The following CCDC178 variants were observed in gnomAD, a reference collection of about 807,000 sequenced individuals.
CCDC178 encodes coiled-coil domain-containing protein 178.
In CCDC178, 126 loss-of-function variants were observed where a neutral mutation model predicts 117.4. The observed-to-expected ratio is 1.07, with a 90% CI of 0.93 to 1.24. The LOEUF (loss-of-function observed/expected upper bound fraction) is 1.24, where lower values mean the gene tolerates loss of function less well. Among genes scored for constraint, CCDC178 ranks in the 50% most tolerant of loss-of-function variants. The pLI is 0.00. For missense variants in CCDC178, 1,030 were observed against 986.9 expected (o/e 1.04, Z -0.59); for synonymous variants, 283 against 313.4 (o/e 0.90, Z 1.02).
At chr18:32,993,343 T>C (rs2055433243) in intron 21 of CCDC178, among the ~76,000 whole-genome samples, 1 of 152,090 alleles carries the variant, frequency 6.6e-6, no homozygotes, top group Admixed American at 6.5e-5. Context: ...TTTATTACCA[T>C]CATGACAACA....
At chr18:33,371,989 T>C (rs897262029) in intron 5 of CCDC178, among the ~76,000 whole-genome samples, 2 of 152,060 alleles carry the variant, frequency 1.3e-5, no homozygotes, top group Non-Finnish European at 2.9e-5. Flanking sequence ...TTGTTTTGCT[T>C]CATTAAATTT....
chr18:33,376,521 G>C (rs2063368560), intron 5 of CCDC178, among the ~76,000 whole-genome samples: 2 of 152,108 alleles, frequency 1.3e-5, no homozygotes, highest in Admixed American at 1.3e-4. Flanking sequence ...GTAATGCTGA[G>C]GTTTGGGGTA....
intron 2 of CCDC178, among the ~76,000 whole-genome samples, chr18:33,424,845 G>A (rs144480621): frequency 2.6e-5 from 4 of 152,276 alleles, no homozygotes; most frequent in Non-Finnish European, 2.9e-5. Flanking sequence ...GAATTAAACC[G>A]CACTTCACCT....
intron 21 of CCDC178, among the ~76,000 whole-genome samples, chr18:33,026,649 T>C (rs2056235686): frequency 6.6e-6 from 1 of 151,902 alleles, no homozygotes; most frequent in African/African-American, 2.4e-5. Context: ...TTTAAAGCAG[T>C]AGCTATGGAT....
intron 20 of CCDC178, among the ~76,000 whole-genome samples, chr18:33,190,044 C>T (rs1003086874): frequency 2.4e-4 from 37 of 152,082 alleles, no homozygotes; most frequent in African/African-American, 8.7e-4. Context: ...AGACTACCAA[C>T]CAGTGCTTGG....
At chr18:33,031,455 C>A (rs2056341473) in intron 21 of CCDC178, among the ~76,000 whole-genome samples, 1 of 152,000 alleles carries the variant, frequency 6.6e-6, no homozygotes, top group Non-Finnish European at 1.5e-5. Flanking sequence ...TTACTGCATA[C>A]ATTTTAACCT....
At chr18:33,426,813 C>G (rs970776045) in intron 2 of CCDC178, among the ~76,000 whole-genome samples, 3 of 151,832 alleles carry the variant, frequency 2.0e-5, no homozygotes, top group African/African-American at 7.2e-5. Flanking sequence ...ATAATCAAAG[C>G]CCAACAGAGT....
intron 8 of CCDC178, 52 bp downstream of exon 8, chr18:33,348,838 T>A (rs1431224796): frequency 2.8e-6 from 3 of 1,085,230 alleles, no homozygotes; most frequent in Non-Finnish European, 4.2e-6. Context: ...TTAAATGAAG[T>A]CAATGAACTT....
At chr18:33,323,701 AG>A in intron 10 of CCDC178, 68 bp from the exon 11 acceptor site, 1 of 942,358 alleles carries the variant, frequency 1.1e-6, no homozygotes, top group Non-Finnish European at 1.4e-6. Flanking sequence ...ACTTCAACTT[AG>A]TGTAGTATTG....
At chr18:33,048,674 T>C (rs1401687744) in intron 21 of CCDC178, among the ~76,000 whole-genome samples, 1 of 152,172 alleles carries the variant, frequency 6.6e-6, no homozygotes, top group African/African-American at 2.4e-5. Context: ...ACTGTGAGAA[T>C]CGTTGCTTTT....
At chr18:33,302,786 ATGTATGGAAGCTAAAAAACAGT>A (rs963279737) in intron 11 of CCDC178, among the ~76,000 whole-genome samples, 4 of 152,220 alleles carry the variant, frequency 2.6e-5, no homozygotes, top group African/African-American at 9.6e-5. Flanking sequence ...GTTCTCACTC[ATGTATGGAAGCTAAAAAACAGT>A]TGATCTCAAA....
chr18:33,253,118 T>C (rs1735256095), intron 14 of CCDC178, among the ~76,000 whole-genome samples: 1 of 151,838 alleles, frequency 6.6e-6, no homozygotes, highest in South Asian at 2.1e-4. Flanking sequence ...CTCATTGGTT[T>C]GAAAGACAAA....
chr18:33,279,055 T>C, intron 12 of CCDC178, among the ~76,000 whole-genome samples: 1 of 152,092 alleles, frequency 6.6e-6, no homozygotes. Context: ...AAGACAGGGA[T>C]GCCCTCACTC....
chr18:33,171,656 C>A (rs998164665), intron 20 of CCDC178, among the ~76,000 whole-genome samples: 5 of 152,176 alleles, frequency 3.3e-5, no homozygotes, highest in African/African-American at 1.2e-4. Context: ...CCAAACACCT[C>A]AGCACCTAGC....
intron 11 of CCDC178, among the ~76,000 whole-genome samples, chr18:33,319,198 C>T (rs901332977): frequency 6.6e-6 from 1 of 151,738 alleles, no homozygotes; most frequent in Non-Finnish European, 1.5e-5. Context: ...CCGCTCCCTC[C>T]ACCTCATGAC....
At chr18:33,065,481 G>A (rs2056996378) in intron 21 of CCDC178, among the ~76,000 whole-genome samples, 1 of 152,130 alleles carries the variant, frequency 6.6e-6, no homozygotes, top group South Asian at 2.1e-4. Flanking sequence ...TCCAGAAGGA[G>A]ACGAGATGGA....
intron 6 of CCDC178, among the ~76,000 whole-genome samples, chr18:33,361,452 C>T (rs542850181): frequency 2.0e-5 from 3 of 151,128 alleles, no homozygotes; most frequent in South Asian, 4.2e-4. Context: ...GGGAATCACA[C>T]CAAAAATTCA....
At chr18:33,002,729 G>A in intron 21 of CCDC178, among the ~76,000 whole-genome samples, 1 of 151,108 alleles carries the variant, frequency 6.6e-6, no homozygotes, top group East Asian at 1.9e-4. Context: ...TAGAAGGTCA[G>A]TGAAAAAAAA....
At chr18:33,137,902 A>G (rs1396430335) in intron 20 of CCDC178, among the ~76,000 whole-genome samples, 2 of 152,346 alleles carry the variant, frequency 1.3e-5, no homozygotes, top group East Asian at 1.9e-4. Flanking sequence ...TAAGGCTACT[A>G]TTGAATGGCT....
Sources: allele counts gnomAD v4.1 joint callset (sites outside exome capture counted in the v4.1 genomes callset), GRCh38; gene constraint gnomAD v4.1.1; transcripts MANE v1.5; gene names NCBI Gene and HGNC (gene_info 2026-07-23, HGNC 2026-07-21).